The following XIRP2 variants were observed in gnomAD, a reference collection of about 807,000 sequenced individuals.
XIRP2 encodes xin actin binding repeat containing 2, also known as xin actin-binding repeat-containing protein 2.
In XIRP2, 236 loss-of-function variants were observed where a neutral mutation model predicts 277.0. The ratio of observed to expected loss-of-function variants is 0.85; its 90% CI spans 0.77 to 0.95. The LOEUF is 0.95. Among genes scored for constraint, XIRP2 ranks in the 40% least tolerant of loss-of-function variants. The pLI is 0.00. For missense variants in XIRP2, 4,640 were observed against 4,157.5 expected (o/e 1.12, Z -3.19); for synonymous variants, 1,490 against 1,416.5 (o/e 1.05, Z -1.17).
At position 167,094,131 on chromosome 2, in the gene XIRP2, G is replaced by C. The variant is rs1019082374; in HGVS notation, c.409-41778G>C. Among the ~76,000 whole-genome samples, 5 of 152,078 alleles carry C rather than the reference G, an allele frequency of 3.3e-5. No homozygotes were observed. The South Asian group carries it at 1.0e-3, about 32-fold the overall frequency. On this transcript the variant is annotated intron_variant, in intron 2 of 10. Transcript: ENST00000409195. ...AAATGTCTTCTTTCGAAAAGTGTCT[G>C]TTCATATACTATGCTCACTACTTGA... is the stretch of plus-strand genomic sequence containing the variant.
intron 2 of XIRP2, among the ~76,000 whole-genome samples, chr2:166,932,807 A>T (rs71428957): frequency 6.6e-6 from 1 of 152,120 alleles, no homozygotes; most frequent in East Asian, 1.9e-4. Context: ...ACAGCCCCTG[A>T]CATACACTGC....
chr2:166,972,884 G>A (rs1357152317), intron 2 of XIRP2, among the ~76,000 whole-genome samples: 2 of 152,050 alleles, frequency 1.3e-5, no homozygotes, highest in African/African-American at 4.8e-5. Context: ...AAGAAGAATG[G>A]CAATTTTTGT....
In XIRP2 at chr2:167,109,665, G is replaced by T. The variant is rs542370616; in HGVS notation, c.409-26244G>T. On this transcript the variant is annotated intron_variant, in intron 2 of 10. Coordinates refer to ENST00000409195, the MANE Select transcript of XIRP2 (RefSeq NM_152381.6). Reference sequence around the variant, plus strand: ...TTGCTGTTGTGAATAGCGCTGCGATGAACATATATATGCATGTGTCTTTGT... The same window carrying T: ...TTGCTGTTGTGAATAGCGCTGCGATTAACATATATATGCATGTGTCTTTGT... Among the ~76,000 whole-genome samples, 8 of 152,286 alleles carry T rather than the reference G, an allele frequency of 5.3e-5. No individual in the cohort carries two copies. In the South Asian group the frequency reaches 1.7e-3, roughly 32 times the overall value.
At chr2:167,182,663 A>C (rs1400280137) in intron 3 of XIRP2, among the ~76,000 whole-genome samples, 1 of 152,192 alleles carries the variant, frequency 6.6e-6, no homozygotes, top group Non-Finnish European at 1.5e-5. Context: ...AAGTTATTTA[A>C]CTTCACTCAT....
chr2:167,053,057 C>A (rs1003096586), intron 2 of XIRP2, among the ~76,000 whole-genome samples: 1 of 152,176 alleles, frequency 6.6e-6, no homozygotes, highest in African/African-American at 2.4e-5. Flanking sequence ...AGAGGCTGCT[C>A]ATGATGTTTC....
chr2:166,967,435 C>T (rs762200380), intron 2 of XIRP2, among the ~76,000 whole-genome samples: 3 of 151,866 alleles, frequency 2.0e-5, no homozygotes, highest in African/African-American at 4.8e-5. Flanking sequence ...ATTGCTAAAC[C>T]ATATGTAAAT....
intron 2 of XIRP2, among the ~76,000 whole-genome samples, chr2:167,111,122 A>G (rs59808134): frequency 0.041 from 6,223 of 152,202 alleles, 174 homozygotes; most frequent in South Asian, 0.083. Context: ...AACTGCAAAG[A>G]GGAATAATTT....
At chr2:166,938,869 T>G (rs1260344256) in intron 2 of XIRP2, among the ~76,000 whole-genome samples, 3 of 152,162 alleles carry the variant, frequency 2.0e-5, no homozygotes, top group African/African-American at 7.2e-5. Context: ...TCTCTTTTGA[T>G]CTTTGTTGGT....
chr2:167,070,721 C>T (rs1689416882), intron 2 of XIRP2, among the ~76,000 whole-genome samples: 1 of 151,904 alleles, frequency 6.6e-6, no homozygotes, highest in African/African-American at 2.4e-5. Context: ...GGAAAGTTGG[C>T]CGTAAGACTT....
chr2:166,940,244 C>G (rs1462643713), intron 2 of XIRP2, among the ~76,000 whole-genome samples: 1 of 152,182 alleles, frequency 6.6e-6, no homozygotes, highest in African/African-American at 2.4e-5. Flanking sequence ...GAATCAGCTA[C>G]TTAAGCTTGT....
At chr2:167,060,715 G>A (rs1012885554) in intron 2 of XIRP2, among the ~76,000 whole-genome samples, 1 of 151,814 alleles carries the variant, frequency 6.6e-6, no homozygotes, top group African/African-American at 2.4e-5. Flanking sequence ...ATTTGTTTTG[G>A]TGCATTGATT....
intron 2 of XIRP2, among the ~76,000 whole-genome samples, chr2:167,002,979 C>CAT (rs1687411214): frequency 6.6e-6 from 1 of 151,832 alleles, no homozygotes; most frequent in Non-Finnish European, 1.5e-5. Flanking sequence ...AAGTCACTAG[C>CAT]ATATTTGCAT....
At chr2:166,957,709 C>A (rs1686198017) in intron 2 of XIRP2, among the ~76,000 whole-genome samples, 1 of 151,772 alleles carries the variant, frequency 6.6e-6, no homozygotes, top group Admixed American at 6.6e-5. Flanking sequence ...AAGCATTAAG[C>A]ATATACACCC....
intron 2 of XIRP2, among the ~76,000 whole-genome samples, chr2:167,101,209 G>A (rs1026617619): frequency 2.6e-5 from 4 of 152,100 alleles, no homozygotes; most frequent in African/African-American, 7.2e-5. Context: ...TATATGTGAT[G>A]ATATAAGCAA....
chr2:167,161,919 C>A (rs1482108959), intron 3 of XIRP2, among the ~76,000 whole-genome samples: 1 of 152,182 alleles, frequency 6.6e-6, no homozygotes, highest in Non-Finnish European at 1.5e-5. Context: ...CAAGTCACCT[C>A]TTGAATGGTT....
intron 3 of XIRP2, among the ~76,000 whole-genome samples, chr2:167,151,659 A>T (rs554206595): frequency 6.6e-5 from 10 of 152,296 alleles, no homozygotes; most frequent in African/African-American, 2.4e-4. Context: ...GATTATTAAA[A>T]TGCAGATTTC....
At chr2:167,040,300 G>T (rs1688627699) in intron 2 of XIRP2, among the ~76,000 whole-genome samples, 2 of 151,856 alleles carry the variant, frequency 1.3e-5, no homozygotes, top group South Asian at 4.2e-4. Flanking sequence ...GAAGGAGAAT[G>T]CACACCCCAG....
intron 2 of XIRP2, among the ~76,000 whole-genome samples, chr2:167,007,705 A>T (rs2021253): frequency 0.031 from 1,886 of 60,056 alleles, 12 homozygotes; most frequent in African/African-American, 0.041. Context: ...TCTCTCTCTC[A>T]CACACACACA....
intron 2 of XIRP2, among the ~76,000 whole-genome samples, chr2:166,933,397 T>C (rs1685404972): frequency 6.6e-6 from 1 of 151,868 alleles, no homozygotes; most frequent in South Asian, 2.1e-4. Flanking sequence ...ATCCACCCCG[T>C]CTCGGCCTCC....
Sources: gnomAD v4.1 joint callset for allele counts (sites outside exome capture counted in the v4.1 genomes callset) on GRCh38, gnomAD v4.1.1 for gene constraint, MANE v1.5 for transcripts, NCBI Gene and HGNC (gene_info 2026-07-23, HGNC 2026-07-21) for gene names.